Variants in RPTOR observed in about 807,000 individuals in gnomAD.
RPTOR encodes regulatory-associated protein of mTOR.
In RPTOR, 21 loss-of-function variants were observed where a neutral mutation model predicts 169.9. The ratio of observed to expected loss-of-function variants is 0.12; its 90% CI spans 0.09 to 0.18. The LOEUF (loss-of-function observed/expected upper bound fraction) is 0.18, where lower values mean the gene tolerates loss of function less well. RPTOR is among the 10% of genes least tolerant of loss of function. The pLI, the probability that RPTOR is intolerant of heterozygous loss-of-function variation, is 1.00. For synonymous variants in RPTOR, 732 were observed against 753.2 expected, an observed-to-expected ratio of 0.97 and a Z score of 0.46; for missense variants, 1,133 against 1,855.9, an observed-to-expected ratio of 0.61 and a Z score of 7.16.
At chr17:80,774,748 C>T (rs757737299) in intron 6 of RPTOR, among the ~76,000 whole-genome samples, 6 of 152,312 alleles carry the variant, frequency 3.9e-5, no homozygotes, top group Non-Finnish European at 7.3e-5. Flanking sequence ...GTAGCATTTG[C>T]GGCGCCACAT....
chr17:80,689,507 G>T (rs1316644430), intron 3 of RPTOR, among the ~76,000 whole-genome samples: 2 of 152,232 alleles, frequency 1.3e-5, no homozygotes, highest in Non-Finnish European at 2.9e-5. Context: ...AAGCGCCAAG[G>T]ATTGCTGTTA....
intron 1 of RPTOR, among the ~76,000 whole-genome samples, chr17:80,580,414 G>C (rs923380615): frequency 6.6e-6 from 1 of 152,186 alleles, no homozygotes; most frequent in Non-Finnish European, 1.5e-5. Flanking sequence ...CTTTTTCCTG[G>C]CTCGGCTGCC....
At chr17:80,687,674 T>TCG (rs1175680260) in intron 3 of RPTOR, among the ~76,000 whole-genome samples, 1 of 152,118 alleles carries the variant, frequency 6.6e-6, no homozygotes, top group African/African-American at 2.4e-5. Flanking sequence ...CACGGAATGG[T>TCG]TGTCATCGGC....
chr17:80,747,056 A>G (rs903014252), intron 5 of RPTOR, among the ~76,000 whole-genome samples: 1 of 152,098 alleles, frequency 6.6e-6, no homozygotes, highest in Non-Finnish European at 1.5e-5. Context: ...TGTCTCTACT[A>G]AAATACAAAA....
chr17:80,897,861 C>G (rs2068426097), intron 20 of RPTOR, among the ~76,000 whole-genome samples: 1 of 152,148 alleles, frequency 6.6e-6, no homozygotes, highest in Non-Finnish European at 1.5e-5. Context: ...CCACTGCACT[C>G]CAGCCTGGGT....
intron 1 of RPTOR, among the ~76,000 whole-genome samples, chr17:80,560,437 AGGT>A (rs1224961406): frequency 6.6e-6 from 1 of 152,188 alleles, no homozygotes; most frequent in African/African-American, 2.4e-5. Flanking sequence ...CCTGCGTTGA[AGGT>A]GTTTTCCAGT....
At chr17:80,556,529 A>T (rs902652149) in intron 1 of RPTOR, among the ~76,000 whole-genome samples, 5 of 152,088 alleles carry the variant, frequency 3.3e-5, no homozygotes, top group African/African-American at 1.2e-4. Flanking sequence ...AAACAGCAAG[A>T]AAAGAAACCT....
At chr17:80,893,048 G>T (rs560686818) in intron 19 of RPTOR, among the ~76,000 whole-genome samples, 179 bp downstream of exon 19, 6 of 152,228 alleles carry the variant, frequency 3.9e-5, no homozygotes, top group Non-Finnish European at 8.8e-5. Flanking sequence ...GCAAGGAGGC[G>T]TAGGCCAGCC....
chr17:80,575,932 C>T (rs2064959453), intron 1 of RPTOR, among the ~76,000 whole-genome samples: 1 of 152,124 alleles, frequency 6.6e-6, no homozygotes, highest in Non-Finnish European at 1.5e-5. Flanking sequence ...GTTGTATCTT[C>T]CTGGTAAATT....
chr17:80,956,485 G>A (rs1007120474), intron 28 of RPTOR, among the ~76,000 whole-genome samples: 1 of 152,252 alleles, frequency 6.6e-6, no homozygotes, highest in Non-Finnish European at 1.5e-5. Context: ...TCAGCCCCTT[G>A]CTGTCTGAAG....
intron 1 of RPTOR, among the ~76,000 whole-genome samples, chr17:80,590,491 TGC>T (rs2065096295): frequency 6.7e-6 from 1 of 150,250 alleles, no homozygotes. Context: ...TATGCGCACA[TGC>T]GTGCACACAG....
At chr17:80,748,045 C>G (rs887091255) in intron 5 of RPTOR, among the ~76,000 whole-genome samples, 2 of 121,972 alleles carry the variant, frequency 1.6e-5, no homozygotes, top group Non-Finnish European at 3.3e-5. Flanking sequence ...GAGGCCGTGG[C>G]GGGAGGACCT....
intron 14 of RPTOR, among the ~76,000 whole-genome samples, chr17:80,883,131 G>A (rs1187127585): frequency 1.3e-5 from 2 of 152,202 alleles, no homozygotes; most frequent in African/African-American, 4.8e-5. Context: ...AGCCACGGCT[G>A]GCCTGTGACA....
intron 18 of RPTOR, among the ~76,000 whole-genome samples, chr17:80,892,199 A>C (rs11868966): frequency 0.2 from 30,189 of 152,032 alleles, 3,241 homozygotes; most frequent in South Asian, 0.33. Flanking sequence ...TCGGTGAGTC[A>C]TGTCAGGCGT....
At position 80,947,044 on chromosome 17, in the gene RPTOR, C is replaced by G. The variant is rs2144057288; in HGVS notation, c.3141-183C>G. Among the ~76,000 whole-genome samples the G allele has an allele frequency of 6.6e-6, 1 of 152,318 alleles. No individual in the cohort carries two copies. On this transcript the variant is annotated intron_variant, in intron 26 of 33. Coordinates refer to ENST00000306801, the MANE Select transcript of RPTOR (RefSeq NM_020761.3). This position sits in a 1 kb window ranked among gnomAD's most constrained non-coding sequence, Gnocchi z 4.4. Reference sequence around the variant, plus strand: ...GTTGTCCAGGCTGGTCTTGAACTCCCAGGCTCCAACAGTCCTCCTGCTTCA... The same window carrying G: ...GTTGTCCAGGCTGGTCTTGAACTCCGAGGCTCCAACAGTCCTCCTGCTTCA...
chr17:80,603,313 G>C (rs1189303827), intron 1 of RPTOR, among the ~76,000 whole-genome samples: 1 of 152,220 alleles, frequency 6.6e-6, no homozygotes, highest in Non-Finnish European at 1.5e-5. Flanking sequence ...TGGCATAAAA[G>C]GTGATTTTTC....
intron 1 of RPTOR, among the ~76,000 whole-genome samples, chr17:80,615,518 G>A (rs962879098): frequency 5.3e-5 from 8 of 152,180 alleles, no homozygotes; most frequent in African/African-American, 4.8e-5. Context: ...GATGGCAGAT[G>A]TCTGCCGTGG....
chr17:80,963,431 G>T (rs1424966300), intron 33 of RPTOR, among the ~76,000 whole-genome samples: 111 of 119,746 alleles, frequency 9.3e-4, no homozygotes, highest in African/African-American at 3.3e-3. Flanking sequence ...CCCCTCTGCG[G>T]CCCTCACCCC....
chr17:80,932,146 C>CATATATATAT (rs57950527), intron 24 of RPTOR, among the ~76,000 whole-genome samples: 11,096 of 145,646 alleles, frequency 0.076, 582 homozygotes, highest in Admixed American at 0.14. Flanking sequence ...TCCAGGCATG[C>CATATATATAT]ATATATATAT....
Sources: gnomAD v4.1 joint callset for allele counts (sites outside exome capture counted in the v4.1 genomes callset) on GRCh38, gnomAD v4.1.1 for gene constraint, Gnocchi (gnomAD v3.1) non-coding constraint, MANE v1.5 for transcripts, NCBI Gene and HGNC (gene_info 2026-07-23, HGNC 2026-07-21) for gene names.